Variants in TLE1 observed in about 807,000 individuals in gnomAD.
The protein encoded by TLE1 is TLE family member 1, transcriptional corepressor.
TLE1 carries 21 observed loss-of-function variants against 89.8 expected under a neutral mutation model. The ratio of observed to expected loss-of-function variants is 0.23; its 90% CI spans 0.17 to 0.34. TLE1 has a LOEUF of 0.34. Among genes scored for constraint, TLE1 ranks in the 10% least tolerant of loss-of-function variants. TLE1 has a pLI of 1.00. For missense variants in TLE1, 795 were observed against 1,031.2 expected, an observed-to-expected ratio of 0.77 and a Z score of 3.14; for synonymous variants, 447 against 407.6, an observed-to-expected ratio of 1.10 and a Z score of -1.16.
chr9:81,606,984 G>A (rs1831760787), intron 14 of TLE1, among the ~76,000 whole-genome samples: 1 of 150,876 alleles, frequency 6.6e-6, no homozygotes, highest in Admixed American at 6.6e-5. Context: ...AGCACTTTGG[G>A]AGGCCATGGC....
At chr9:81,599,594 TATTATTC>T (rs1327709623) in intron 14 of TLE1, among the ~76,000 whole-genome samples, 2 of 152,150 alleles carry the variant, frequency 1.3e-5, no homozygotes, top group African/African-American at 4.8e-5. Context: ...AAATCAGTCT[TATTATTC>T]TAAGACTTTA....
intron 4 of TLE1, among the ~76,000 whole-genome samples, chr9:81,673,360 TAGAA>T (rs1832488155): frequency 6.6e-6 from 1 of 151,100 alleles, no homozygotes. Flanking sequence ...CTTATGATCT[TAGAA>T]GGAAAGAAAT....
At chr9:81,601,718 A>G (rs770962666) in intron 14 of TLE1, among the ~76,000 whole-genome samples, 4 of 152,236 alleles carry the variant, frequency 2.6e-5, no homozygotes, top group Non-Finnish European at 5.9e-5. Context: ...GCTGAACTAA[A>G]CAATACCAAT....
At chr9:81,640,619 A>G (rs1004008221) in intron 6 of TLE1, among the ~76,000 whole-genome samples, 1 of 152,228 alleles carries the variant, frequency 6.6e-6, no homozygotes, top group African/African-American at 2.4e-5. Context: ...CTGAAAACCC[A>G]CAAGGAATAA....
intron 4 of TLE1, among the ~76,000 whole-genome samples, chr9:81,661,349 G>A (rs920530521): frequency 4.6e-5 from 7 of 151,454 alleles, no homozygotes; most frequent in Admixed American, 3.9e-4. Context: ...ACTCCTCAGC[G>A]CCCGCACACT....
chr9:81,661,793 G>C (rs951700897), intron 4 of TLE1, among the ~76,000 whole-genome samples: 1 of 151,824 alleles, frequency 6.6e-6, no homozygotes, highest in African/African-American at 2.4e-5. Flanking sequence ...AAACCTCACC[G>C]GCAACCAAAC....
chr9:81,594,636 A>G (rs1182613507), intron 14 of TLE1, among the ~76,000 whole-genome samples: 3 of 152,148 alleles, frequency 2.0e-5, no homozygotes, highest in Non-Finnish European at 4.4e-5. Context: ...AGTTCAAACC[A>G]TAAACAATAA....
At chr9:81,687,872 A>G (rs1017171926) in intron 1 of TLE1, among the ~76,000 whole-genome samples, 2 of 151,964 alleles carry the variant, frequency 1.3e-5, no homozygotes, top group African/African-American at 4.8e-5. Context: ...CCGGGGCCGC[A>G]TTGACATGTA....
intron 4 of TLE1, among the ~76,000 whole-genome samples, chr9:81,656,794 T>C (rs1201115797): frequency 1.3e-5 from 2 of 152,220 alleles, no homozygotes; most frequent in Non-Finnish European, 2.9e-5. Context: ...CCAGTGAATA[T>C]TTATGTTTCA....
chr9:81,687,526 A>AT (rs1834460944), intron 1 of TLE1, 92 bp from the exon 2 acceptor site: 1 of 957,324 alleles, frequency 1.0e-6, no homozygotes, highest in Non-Finnish European at 1.6e-6. Context: ...GGTGGGACAT[A>AT]AACATAAAGT....
At chr9:81,680,124 C>G (rs576305635) in intron 4 of TLE1, among the ~76,000 whole-genome samples, 1 of 152,312 alleles carries the variant, frequency 6.6e-6, no homozygotes, top group African/African-American at 2.4e-5. Context: ...TGGCTCCCAC[C>G]ATGCGAGGGA....
intron 8 of TLE1, among the ~76,000 whole-genome samples, chr9:81,625,009 G>A (rs1329097324): frequency 6.6e-6 from 1 of 152,120 alleles, no homozygotes; most frequent in Non-Finnish European, 1.5e-5. Context: ...GCATATCTGA[G>A]AAGTCTAAAA....
intron 14 of TLE1, among the ~76,000 whole-genome samples, chr9:81,604,240 C>T (rs141182489): frequency 3.9e-5 from 6 of 152,274 alleles, no homozygotes; most frequent in African/African-American, 1.2e-4. Context: ...TGTGAGCTCC[C>T]GGTGGGGTCC....
intron 14 of TLE1, among the ~76,000 whole-genome samples, chr9:81,604,742 TG>T (rs1831411465): frequency 6.6e-6 from 1 of 152,150 alleles, no homozygotes; most frequent in South Asian, 2.1e-4. Context: ...CTCTTCTGGC[TG>T]TAACACTCAG....
chr9:81,684,219 G>A (rs1277006968), intron 4 of TLE1, among the ~76,000 whole-genome samples: 2 of 150,124 alleles, frequency 1.3e-5, no homozygotes, highest in Admixed American at 6.7e-5. Flanking sequence ...GACGATAGAT[G>A]TTAGCCACAG....
chr9:81,601,149 A>G (rs2131937906), intron 14 of TLE1, among the ~76,000 whole-genome samples: 1 of 152,334 alleles, frequency 6.6e-6, no homozygotes, highest in East Asian at 1.9e-4. Context: ...ATCAATTTTC[A>G]AGTCCACTAA....
At chr9:81,627,417 C>T (rs1826040419) in intron 8 of TLE1, among the ~76,000 whole-genome samples, 2 of 152,068 alleles carry the variant, frequency 1.3e-5, no homozygotes, top group Admixed American at 6.5e-5. Flanking sequence ...CCGATATCCA[C>T]CTGACTTATT....
intron 4 of TLE1, among the ~76,000 whole-genome samples, chr9:81,672,322 AATTATT>A (rs534539630): frequency 3.7e-4 from 55 of 150,422 alleles, no homozygotes; most frequent in African/African-American, 4.9e-4. Context: ...CCCTGCAATA[AATTATT>A]ATTATTATTA....
intron 4 of TLE1, among the ~76,000 whole-genome samples, chr9:81,662,886 T>C (rs1208224433): frequency 6.6e-6 from 1 of 151,912 alleles, no homozygotes; most frequent in Non-Finnish European, 1.5e-5. Context: ...CTCACCCTGT[T>C]GCCCAGGCTG....
Sources: gnomAD v4.1 joint callset for allele counts (sites outside exome capture counted in the v4.1 genomes callset) on GRCh38, gnomAD v4.1.1 for gene constraint, MANE v1.5 for transcripts, NCBI Gene and HGNC (gene_info 2026-07-23, HGNC 2026-07-21) for gene names.